The following NSD3 variants were observed in gnomAD, a reference collection of about 807,000 sequenced individuals.
NSD3 encodes nuclear receptor binding SET domain protein 3.
In NSD3, 24 loss-of-function variants were observed where a neutral mutation model predicts 160.8. That is an observed-to-expected ratio of 0.15 (90% CI 0.11 to 0.21). The LOEUF is 0.21. Among genes scored for constraint, NSD3 ranks in the 10% least tolerant of loss-of-function variants. NSD3 has a pLI of 1.00. For missense variants in NSD3, 1,157 were observed against 1,735.9 expected, an observed-to-expected ratio of 0.67 and a Z score of 5.93; for synonymous variants, 520 against 600.0, an observed-to-expected ratio of 0.87 and a Z score of 1.95.
intron 20 of NSD3, among the ~76,000 whole-genome samples, chr8:38,280,869 C>T (rs1007402436): frequency 5.9e-5 from 9 of 151,862 alleles, no homozygotes; most frequent in Non-Finnish European, 1.0e-4. Flanking sequence ...CCTCCTGCCT[C>T]GGCCTCCTGA....
Position 38,312,207 on chromosome 8 carries a change from A to G in NSD3, c.2242+2440T>C, listed in dbSNP as rs567109468. Among the ~76,000 whole-genome samples the G allele has an allele frequency of 6.1e-4, 93 of 152,282 alleles. 1 individual carries two copies. In the South Asian group the frequency reaches 0.012, roughly 19 times the overall value. ...TCTGTAGCTTTGTAGTATACTTTCA[A>G]ATGAGGAAATGTGAGTCCTCTGACT... is the stretch of plus-strand genomic sequence containing the variant. On this transcript the variant is annotated intron_variant, in intron 12 of 23. Transcript: ENST00000317025.
intron 1 of NSD3, among the ~76,000 whole-genome samples, chr8:38,381,344 G>T (rs143547009): frequency 4.0e-5 from 6 of 151,556 alleles, no homozygotes; most frequent in African/African-American, 1.5e-4. Flanking sequence ...CATTTCTCCA[G>T]CAAATTTATC....
In NSD3 at chr8:38,275,678, C is replaced by CATG; in HGVS notation, c.4276_4277insCAT (p.Lys1425_Trp1426insSer). The CATG allele has an allele frequency of 6.2e-7, 1 of 1,614,174 alleles. No individual in the cohort carries two copies. Among genetic ancestry groups the CATG allele is most frequent in the East Asian group, 2.2e-5 (1 of 44,884 alleles). ...TTCTTCTCCATGATCTTGTGATTCCCATTTACATTTTATCTTGCTCCAGTA... is the reference window on the plus strand; with the variant it reads ...TTCTTCTCCATGATCTTGTGATTCCCATGATTTACATTTTATCTTGCTCCAGTA... On this transcript the variant is annotated inframe_insertion, in exon 24 of 24. Transcript: ENST00000317025.
chr8:38,361,612 A>G (rs866345573), intron 1 of NSD3, among the ~76,000 whole-genome samples: 2 of 151,840 alleles, frequency 1.3e-5, no homozygotes, highest in Non-Finnish European at 2.9e-5. Context: ...AAAGTTAGCC[A>G]GGCGTGGTGG....
At position 38,274,632 on chromosome 8, in the gene NSD3, G is replaced by C. The variant is rs1233854011; in HGVS notation, c.*1009C>G. Reference sequence around the variant, plus strand: ...ATGACTGAATGGTCAGATGACAAAAGAAATGTTTGAGTAGGAGAGGAAAAC... The same window carrying C: ...ATGACTGAATGGTCAGATGACAAAACAAATGTTTGAGTAGGAGAGGAAAAC... On this transcript the variant is annotated 3_prime_UTR_variant, in exon 24 of 24. Transcript: ENST00000317025. 6.6e-6 allele frequency: 1 copy of C among 152,308 alleles called. No homozygotes were observed. Among genetic ancestry groups the C allele is most frequent in the African/African-American group, 2.4e-5 (1 of 41,562 alleles). The allele number at this position is 152,308 out of a possible 1,614,324, so 9.4% of individuals were successfully genotyped here. A position where few individuals can be genotyped will look rare whatever the true frequency, so the allele number is the denominator to read the frequency against.
chr8:38,362,855 CAT>C (rs1416293510), intron 1 of NSD3, among the ~76,000 whole-genome samples: 1 of 152,186 alleles, frequency 6.6e-6, no homozygotes, highest in African/African-American at 2.4e-5. Context: ...GAACATAACA[CAT>C]GATGAGAATC....
At chr8:38,331,367 T>C in intron 5 of NSD3, 64 bp downstream of exon 5, 1 of 1,421,808 alleles carries the variant, frequency 7.0e-7, no homozygotes, top group South Asian at 1.7e-5. Flanking sequence ...GTATGAAAAA[T>C]TCTTCTAAAT....
Position 38,288,389 on chromosome 8 carries a change from A to C in NSD3, c.3501+98T>G, listed in dbSNP as rs909514750. 7 of 1,483,228 alleles carry C rather than the reference A, an allele frequency of 4.7e-6. No homozygotes were observed. The African/African-American group carries it at 9.9e-5, about 21-fold the overall frequency. 91.9% of individuals were successfully genotyped at this position (1,483,228 alleles called of 1,614,324 possible). A position where few individuals can be genotyped will look rare whatever the true frequency, so the allele number is the denominator to read the frequency against. ...GGAAAGTTTTAACATTTTACCACAAATTCCTGCTGATTTTATCCCTAGAAC... is the reference window on the plus strand; with the variant it reads ...GGAAAGTTTTAACATTTTACCACAACTTCCTGCTGATTTTATCCCTAGAAC... On this transcript the variant is annotated intron_variant, in intron 19 of 23. Coordinates refer to ENST00000317025, the MANE Select transcript of NSD3 (RefSeq NM_023034.2). The surrounding 1 kb of genome is among the most constrained non-coding windows in gnomAD (Gnocchi z 4.5).
intron 14 of NSD3, among the ~76,000 whole-genome samples, chr8:38,302,439 A>T (rs369924357): frequency 3.1e-4 from 47 of 152,382 alleles, no homozygotes; most frequent in African/African-American, 1.1e-3. Context: ...TATGTTTACC[A>T]TACAAAGTTT....
intron 1 of NSD3, among the ~76,000 whole-genome samples, chr8:38,363,564 C>A (rs1811036625): frequency 6.7e-6 from 1 of 149,338 alleles, no homozygotes; most frequent in South Asian, 2.1e-4. Flanking sequence ...ATCACTTGAA[C>A]CTGAGAGGCA....
chr8:38,287,218 A>C (rs1808882438), intron 19 of NSD3, among the ~76,000 whole-genome samples: 1 of 152,208 alleles, frequency 6.6e-6, no homozygotes. Context: ...TTATGTATCT[A>C]TTTATTTATT....
rs1398919222 is a variant in NSD3, at chr8:38,317,985, A to T, written c.1855+910T>A. ...TCCACAGTTTCCTCAATCGCTGCGG[A>T]GACGGAGCTGTCACTGAATCTGACA... On this transcript the variant is annotated intron_variant, in intron 9 of 23. Transcript: ENST00000317025. The surrounding 1 kb of genome is among the most constrained non-coding windows in gnomAD (Gnocchi z 5.3). The T allele has an allele frequency of 6.2e-7, 1 of 1,614,102 alleles. No homozygotes were observed. The highest frequency in any genetic ancestry group is 1.1e-5 in the South Asian group (1 of 91,092).
intron 1 of NSD3, among the ~76,000 whole-genome samples, chr8:38,350,136 C>T (rs1810649860): frequency 6.6e-6 from 1 of 152,134 alleles, no homozygotes; most frequent in East Asian, 1.9e-4. Context: ...AGTACTGCCG[C>T]GATAAACATA....
intron 1 of NSD3, among the ~76,000 whole-genome samples, chr8:38,368,067 C>T (rs1237886238): frequency 2.0e-5 from 3 of 152,130 alleles, no homozygotes; most frequent in Non-Finnish European, 4.4e-5. Context: ...GCAACCTCTG[C>T]CTCCAGGGTT....
intron 1 of NSD3, among the ~76,000 whole-genome samples, chr8:38,381,189 AT>A (rs1346891020): frequency 4.0e-5 from 6 of 151,470 alleles, no homozygotes; most frequent in Non-Finnish European, 7.4e-5. Flanking sequence ...CATTCAGTTA[AT>A]TTCCTTCCCT....
intron 1 of NSD3, among the ~76,000 whole-genome samples, chr8:38,364,892 T>G (rs1450403046): frequency 6.6e-6 from 1 of 152,218 alleles, no homozygotes; most frequent in African/African-American, 2.4e-5. Context: ...GAAATTTATT[T>G]TGTAAAGATA....
chr8:38,309,323 T>A (rs990942831), intron 12 of NSD3, among the ~76,000 whole-genome samples: 20 of 151,610 alleles, frequency 1.3e-4, no homozygotes, highest in Non-Finnish European at 7.4e-5. Flanking sequence ...CAAAAATTAG[T>A]CGGGCGTGGT....
intron 22 of NSD3, among the ~76,000 whole-genome samples, chr8:38,277,052 C>T (rs1293931044): frequency 6.6e-6 from 1 of 152,086 alleles, no homozygotes; most frequent in East Asian, 1.9e-4. Flanking sequence ...AGCAATTCTC[C>T]TGCCTTAGCC....
intron 1 of NSD3, among the ~76,000 whole-genome samples, chr8:38,371,170 C>T (rs924731972): frequency 6.6e-6 from 1 of 151,588 alleles, no homozygotes; most frequent in Non-Finnish European, 1.5e-5. Flanking sequence ...AAAAAAAATA[C>T]ATATGAAAAA....
Sources: allele counts gnomAD v4.1 joint callset (sites outside exome capture counted in the v4.1 genomes callset), GRCh38; gene constraint gnomAD v4.1.1; non-coding constraint Gnocchi (gnomAD v3.1); transcripts MANE v1.5; gene names NCBI Gene and HGNC (gene_info 2026-07-23, HGNC 2026-07-21).